Variants in DLG2 observed in about 807,000 individuals in gnomAD.
DLG2 encodes disks large homolog 2.
In DLG2, 45 loss-of-function variants were observed where a neutral mutation model predicts 132.5. That is an observed-to-expected ratio of 0.34 (90% CI 0.27 to 0.44). The LOEUF (loss-of-function observed/expected upper bound fraction) is 0.44, where lower values mean the gene tolerates loss of function less well. Among genes scored for constraint, DLG2 ranks in the 20% least tolerant of loss-of-function variants. The probability of loss-of-function intolerance (pLI) is 1.00; values close to 1 mark genes in which losing one functional copy is unlikely to be tolerated. For synonymous variants in DLG2, 424 were observed against 419.6 expected (o/e 1.01, Z -0.13); for missense variants, 1,045 against 1,196.9 (o/e 0.87, Z 1.87).
chr11:83,778,181 CT>C (rs1410735270), intron 18 of DLG2, among the ~76,000 whole-genome samples: 3 of 152,134 alleles, frequency 2.0e-5, no homozygotes, highest in African/African-American at 7.2e-5. Flanking sequence ...GTGCAACATT[CT>C]TTTACAGTTC....
At chr11:84,861,622 AAAAAAAAAAAAAAAAAAC>A (rs1197207438) in intron 6 of DLG2, among the ~76,000 whole-genome samples, 5 of 86,206 alleles carry the variant, frequency 5.8e-5, no homozygotes, top group South Asian at 4.0e-4. Flanking sequence ...ACACAGCAAA[AAAAAAAAAAAAAAAAAAC>A]AAAAAAAAAA....
intron 7 of DLG2, among the ~76,000 whole-genome samples, chr11:84,363,268 G>A (rs2098661577): frequency 6.6e-6 from 1 of 152,088 alleles, no homozygotes; most frequent in Non-Finnish European, 1.5e-5. Flanking sequence ...CAGTGATGGT[G>A]AGGATTTTTT....
intron 19 of DLG2, among the ~76,000 whole-genome samples, chr11:83,616,599 G>C (rs1016936988): frequency 1.3e-5 from 2 of 151,462 alleles, no homozygotes; most frequent in African/African-American, 4.9e-5. Context: ...CCTGTGCTCT[G>C]TCTTGCCCCA....
At chr11:84,228,613 G>A (rs1173554724) in intron 8 of DLG2, among the ~76,000 whole-genome samples, 1 of 152,154 alleles carries the variant, frequency 6.6e-6, no homozygotes, top group African/African-American at 2.4e-5. Flanking sequence ...AAAGTGGGTT[G>A]TTTGAACATT....
Position 83,895,081 on chromosome 11 carries a change from G to C in DLG2, c.1497-20593C>G, listed in dbSNP as rs766685554. On this transcript the variant is annotated intron_variant, in intron 15 of 27. Transcript: ENST00000376104. ...TTTAATAGGATCATTTTAGGAATAA[G>C]ACAAGTTATAAATAATGCACATACA... 3.1e-4 allele frequency among the ~76,000 whole-genome samples: 47 copies of C among 150,238 alleles called. 1 individual carries two copies. The highest frequency in any genetic ancestry group is 1.8e-3 in the East Asian group (9 of 5,060).
At chr11:85,060,956 T>C (rs71469662) in intron 6 of DLG2, among the ~76,000 whole-genome samples, 2 of 151,748 alleles carry the variant, frequency 1.3e-5, no homozygotes, top group Non-Finnish European at 2.9e-5. Flanking sequence ...TGATATCTCC[T>C]TGTGGTTTTG....
intron 6 of DLG2, among the ~76,000 whole-genome samples, chr11:85,068,190 A>G (rs1395573684): frequency 6.6e-6 from 1 of 152,124 alleles, no homozygotes; most frequent in Non-Finnish European, 1.5e-5. Context: ...CCCACAGCCA[A>G]TATCATACTG....
chr11:83,770,793 G>A (rs1348423873), intron 18 of DLG2, among the ~76,000 whole-genome samples: 1 of 152,096 alleles, frequency 6.6e-6, no homozygotes, highest in East Asian at 1.9e-4. Flanking sequence ...AATACAAATT[G>A]TGAGAAAAAA....
chr11:84,456,277 C>T (rs1034112225), intron 7 of DLG2, among the ~76,000 whole-genome samples: 1 of 151,264 alleles, frequency 6.6e-6, no homozygotes, highest in Non-Finnish European at 1.5e-5. Flanking sequence ...GAATCAGATA[C>T]GTTTGGCCCA....
chr11:84,822,038 A>C (rs987329313), intron 6 of DLG2, among the ~76,000 whole-genome samples: 3 of 151,882 alleles, frequency 2.0e-5, no homozygotes, highest in African/African-American at 7.2e-5. Flanking sequence ...AACAGAAGCA[A>C]TATTTTACTA....
rs140731597 is a variant in DLG2, at chr11:84,431,238, G to A, written c.519+103332C>T. ...TATACACACACAATATATAGTATAC[G>A]CAAACATACAGAAGCAGAGTATTAT... On this transcript the variant is annotated intron_variant, in intron 7 of 27. Coordinates refer to ENST00000376104, the MANE Select transcript of DLG2 (RefSeq NM_001142699.3). Among the ~76,000 whole-genome samples the A allele has an allele frequency of 5.0e-3, 755 of 151,856 alleles. 11 individuals are homozygous for A. Among genetic ancestry groups the A allele is most frequent in the African/African-American group, 0.017 (686 of 41,396 alleles).
intron 15 of DLG2, among the ~76,000 whole-genome samples, chr11:83,916,054 C>T (rs545718202): frequency 7.2e-5 from 11 of 152,268 alleles, no homozygotes; most frequent in South Asian, 4.1e-4. Context: ...TTTACCCATG[C>T]GTAACACGTA....
chr11:84,252,570 G>A (rs17499421), intron 7 of DLG2, among the ~76,000 whole-genome samples: 7,309 of 152,120 alleles, frequency 0.048, 271 homozygotes, highest in Non-Finnish European at 0.076. Context: ...ACGATTTGCA[G>A]TAATTCTCTT....
chr11:85,070,579 T>G (rs2154166702), intron 6 of DLG2, among the ~76,000 whole-genome samples: 1 of 151,958 alleles, frequency 6.6e-6, no homozygotes, highest in African/African-American at 2.4e-5. Flanking sequence ...AAAAATGTTT[T>G]AAAACTTTAA....
chr11:84,859,468 ATCC>A (rs893492172), intron 6 of DLG2, among the ~76,000 whole-genome samples: 8 of 146,666 alleles, frequency 5.5e-5, no homozygotes, highest in Non-Finnish European at 1.2e-4. Flanking sequence ...ATATATATAT[ATCC>A]TCCTATTGGG....
At chr11:84,854,436 C>T (rs2082524997) in intron 6 of DLG2, among the ~76,000 whole-genome samples, 1 of 151,926 alleles carries the variant, frequency 6.6e-6, no homozygotes, top group Non-Finnish European at 1.5e-5. Flanking sequence ...TGTGAAGTAG[C>T]AGATGATGCT....
At chr11:83,906,909 A>C (rs1282118892) in intron 15 of DLG2, among the ~76,000 whole-genome samples, 1 of 152,218 alleles carries the variant, frequency 6.6e-6, no homozygotes, top group Non-Finnish European at 1.5e-5. Context: ...GGTAACATAA[A>C]ATAAGCACAG....
intron 18 of DLG2, among the ~76,000 whole-genome samples, chr11:83,698,219 T>C (rs1005401762): frequency 1.3e-5 from 2 of 152,230 alleles, no homozygotes; most frequent in African/African-American, 4.8e-5. Context: ...ATTATAATTA[T>C]GTTTGCTGAG....
chr11:84,750,888 C>A (rs1049464771), intron 6 of DLG2, among the ~76,000 whole-genome samples: 3 of 152,044 alleles, frequency 2.0e-5, no homozygotes, highest in African/African-American at 4.8e-5. Context: ...TTTTTAGTAC[C>A]TAATTAACAC....
Sources: allele counts gnomAD v4.1 joint callset (sites outside exome capture counted in the v4.1 genomes callset), GRCh38; gene constraint gnomAD v4.1.1; transcripts MANE v1.5; gene names NCBI Gene and HGNC (gene_info 2026-07-23, HGNC 2026-07-21).